The following PDE1A variants were observed in gnomAD, a reference collection of about 807,000 sequenced individuals.
The protein encoded by PDE1A is dual specificity calcium/calmodulin-dependent 3',5'-cyclic nucleotide phosphodiesterase 1A.
Under a neutral mutation model 61.7 loss-of-function variants are expected in PDE1A, and 35 were observed. The ratio of observed to expected loss-of-function variants is 0.57; its 90% confidence interval spans 0.43 to 0.75. The LOEUF (loss-of-function observed/expected upper bound fraction) is 0.75, where lower values mean the gene tolerates loss of function less well. PDE1A is among the 30% of genes least tolerant of loss of function. The pLI is 0.00. For synonymous variants in PDE1A, 232 were observed against 213.2 expected (o/e 1.09, Z -0.77); for missense variants, 597 against 630.6 (o/e 0.95, Z 0.57).
At chr2:182,461,183 G>A (rs1686261160) in intron 2 of PDE1A, among the ~76,000 whole-genome samples, 1 of 151,978 alleles carries the variant, frequency 6.6e-6, no homozygotes, top group South Asian at 2.1e-4. Flanking sequence ...TTATTCTACA[G>A]CATAGAACTA....
intron 13 of PDE1A, among the ~76,000 whole-genome samples, chr2:182,148,032 A>G (rs937472018): frequency 2.1e-4 from 32 of 152,322 alleles, no homozygotes; most frequent in Non-Finnish European, 3.4e-4. Flanking sequence ...TTACAAAACA[A>G]TTTTGTCTTT....
chr2:182,570,786 G>A, the PDE1A span, among the ~76,000 whole-genome samples: 1 of 152,190 alleles, frequency 6.6e-6, no homozygotes, highest in African/African-American at 2.4e-5. Flanking sequence ...GGGCCAGATA[G>A]TGGAGAGCTT....
exon 13 of PDE1A, chr2:182,186,033 A>G (rs76955098): frequency 4.0e-5 from 65 of 1,614,018 alleles, no homozygotes; most frequent in Non-Finnish European, 5.4e-5. Flanking sequence ...TTTGTATTTG[A>G]TCGTCTTAGT....
At chr2:182,455,588 A>G (rs1038350114) in intron 2 of PDE1A, among the ~76,000 whole-genome samples, 2 of 152,126 alleles carry the variant, frequency 1.3e-5, no homozygotes, top group African/African-American at 4.8e-5. Flanking sequence ...TAAAAAATGA[A>G]GAGTTCATTT....
chr2:182,578,920 G>A, the PDE1A span, among the ~76,000 whole-genome samples: 3 of 152,132 alleles, frequency 2.0e-5, no homozygotes, highest in African/African-American at 7.2e-5. Context: ...TTTTAATCTA[G>A]TAAAGACAAA....
chr2:182,433,437 C>A (rs1315958463), intron 2 of PDE1A, among the ~76,000 whole-genome samples: 1 of 152,028 alleles, frequency 6.6e-6, no homozygotes, highest in Admixed American at 6.6e-5. Context: ...TCCTGCATAC[C>A]TTTCATCCAT....
the PDE1A span, among the ~76,000 whole-genome samples, chr2:182,687,229 T>A: frequency 6.6e-6 from 1 of 152,214 alleles, no homozygotes; most frequent in African/African-American, 2.4e-5. Flanking sequence ...ACGGACAGAC[T>A]GCCTCCTCAA....
At chr2:182,453,529 G>A (rs1685673222) in intron 2 of PDE1A, among the ~76,000 whole-genome samples, 1 of 151,880 alleles carries the variant, frequency 6.6e-6, no homozygotes, top group African/African-American at 2.4e-5. Flanking sequence ...TAAAATACTG[G>A]CAAACCGAAT....
At chr2:182,356,750 T>G (rs1699205384) in intron 1 of PDE1A, among the ~76,000 whole-genome samples, 1 of 152,108 alleles carries the variant, frequency 6.6e-6, no homozygotes, top group Non-Finnish European at 1.5e-5. Context: ...TTAAAAGCAC[T>G]ATTCACAATA....
intron 8 of PDE1A, 40 bp downstream of exon 8, chr2:182,205,900 C>A: frequency 7.7e-6 from 12 of 1,559,214 alleles, no homozygotes; most frequent in Non-Finnish European, 1.0e-5. Flanking sequence ...TTATTCCTTT[C>A]CTGAAATTAA....
the PDE1A span, among the ~76,000 whole-genome samples, chr2:182,686,979 G>C: frequency 1.3e-5 from 2 of 152,238 alleles, no homozygotes; most frequent in African/African-American, 4.8e-5. Flanking sequence ...GCCAAGCTGG[G>C]GGAGGGGCGC....
intron 2 of PDE1A, among the ~76,000 whole-genome samples, chr2:182,512,140 C>T (rs1170441001): frequency 3.3e-5 from 5 of 152,206 alleles, no homozygotes; most frequent in Non-Finnish European, 5.9e-5. Flanking sequence ...CACATGTGCA[C>T]ATGCAAACCC....
the PDE1A span, among the ~76,000 whole-genome samples, chr2:182,706,585 G>A: frequency 3.3e-5 from 5 of 151,998 alleles, no homozygotes; most frequent in African/African-American, 1.2e-4. Flanking sequence ...AAGTTGTTTT[G>A]TATTGTTTTG....
chr2:182,199,150 T>G (rs1335963680), intron 10 of PDE1A, among the ~76,000 whole-genome samples: 1 of 151,996 alleles, frequency 6.6e-6, no homozygotes, highest in Non-Finnish European at 1.5e-5. Flanking sequence ...GTGCATAATA[T>G]TCCTCACCCT....
chr2:182,286,507 G>T (rs543247424), intron 1 of PDE1A, among the ~76,000 whole-genome samples: 1 of 152,256 alleles, frequency 6.6e-6, no homozygotes, highest in African/African-American at 2.4e-5. Context: ...TACATAATCA[G>T]TTTGCTTCTC....
At chr2:182,688,863 G>A in the PDE1A span, among the ~76,000 whole-genome samples, 1 of 152,028 alleles carries the variant, frequency 6.6e-6, no homozygotes, top group South Asian at 2.1e-4. Context: ...AACAAAAAAA[G>A]GCAGGGGTTG....
chr2:182,609,545 G>A, the PDE1A span, among the ~76,000 whole-genome samples: 3 of 152,198 alleles, frequency 2.0e-5, no homozygotes, highest in Non-Finnish European at 4.4e-5. Context: ...CCACCAGGAG[G>A]AATGAAAAAC....
the PDE1A span, among the ~76,000 whole-genome samples, chr2:182,541,039 A>G: frequency 6.6e-6 from 1 of 152,152 alleles, no homozygotes; most frequent in Non-Finnish European, 1.5e-5. Context: ...AAGATCCGAG[A>G]AAGGAACGAT....
chr2:182,448,725 T>C (rs1685303835), intron 2 of PDE1A, among the ~76,000 whole-genome samples: 1 of 152,106 alleles, frequency 6.6e-6, no homozygotes, highest in Non-Finnish European at 1.5e-5. Context: ...TTAGTGCAGT[T>C]TGATGGATAA....
Sources: allele counts gnomAD v4.1 joint callset (sites outside exome capture counted in the v4.1 genomes callset), GRCh38; gene constraint gnomAD v4.1.1; transcripts MANE v1.5; gene names NCBI Gene and HGNC (gene_info 2026-07-23, HGNC 2026-07-21).